SLIT2: variants seen among roughly 807,000 people sequenced by gnomAD.
SLIT2 encodes slit guidance ligand 2.
A neutral mutation model predicts 185.7 loss-of-function variants in SLIT2; 41 were observed. The ratio of observed to expected loss-of-function variants is 0.22; its 90% CI spans 0.17 to 0.29. SLIT2 has a LOEUF of 0.29. Ranked by LOEUF, SLIT2 falls within the 10% of genes least tolerant of loss-of-function variation. The probability of loss-of-function intolerance (pLI) is 1.00; values close to 1 mark genes in which losing one functional copy is unlikely to be tolerated. For missense variants in SLIT2, 1,571 were observed against 1,909.0 expected (o/e 0.82, Z 3.30); for synonymous variants, 693 against 680.2 (o/e 1.02, Z -0.29).
At chr4:20,502,023 TTAG>T in intron 9 of SLIT2, among the ~76,000 whole-genome samples, 1 of 152,182 alleles carries the variant, frequency 6.6e-6, no homozygotes, top group Non-Finnish European at 1.5e-5. Flanking sequence ...AAGAAGTTAT[TTAG>T]GTAACATACA....
intron 4 of SLIT2, among the ~76,000 whole-genome samples, chr4:20,453,682 C>G (rs1370154125): frequency 6.6e-6 from 1 of 152,108 alleles, no homozygotes; most frequent in African/African-American, 2.4e-5. Flanking sequence ...ATAATTAAAG[C>G]AAAGGCCCAG....
intron 22 of SLIT2, among the ~76,000 whole-genome samples, chr4:20,546,456 A>G (rs543745528): frequency 4.6e-5 from 7 of 152,232 alleles, no homozygotes; most frequent in Admixed American, 1.3e-4. Flanking sequence ...TTTATTCTTG[A>G]CTTTAAGCGA....
At position 20,425,965 on chromosome 4, in the gene SLIT2, C is replaced by T. The variant is rs1041274525; in HGVS notation, c.396-41787C>T. Among the ~76,000 whole-genome samples the T allele has an allele frequency of 5.9e-5, 9 of 152,218 alleles. No homozygotes were observed. In the East Asian group the frequency reaches 1.7e-3, roughly 29 times the overall value. On this transcript the variant is annotated intron_variant, in intron 4 of 36. Coordinates refer to ENST00000504154, the MANE Select transcript of SLIT2 (RefSeq NM_004787.4). ...CTCTTCTGTGCTATCCCTGACAATTCAGTTTGGGATTTGCTGTCACCTTAG... is the reference window on the plus strand; with the variant it reads ...CTCTTCTGTGCTATCCCTGACAATTTAGTTTGGGATTTGCTGTCACCTTAG...
intron 16 of SLIT2, among the ~76,000 whole-genome samples, chr4:20,530,972 AAAAC>A (rs1721753631): frequency 6.6e-6 from 1 of 151,978 alleles, no homozygotes; most frequent in Non-Finnish European, 1.5e-5. Flanking sequence ...CTAAAAAAAA[AAAAC>A]AAAAACAAAA....
chr4:20,598,464 A>G (rs962984237), intron 33 of SLIT2, 69 bp downstream of exon 33: 2 of 1,554,574 alleles, frequency 1.3e-6, no homozygotes, highest in Non-Finnish European at 1.8e-6. Context: ...CTCCTCTATC[A>G]TTTTATTATG....
Position 20,528,958 on chromosome 4 carries a change from A to G in SLIT2, c.1472A>G (p.Asp491Gly). ...KEQYFIPGTE[D>G]YRSKLSGDCF... ...TTTGAATTCTCAATAGGTACAGAAG[A>G]TTATCGATCAAAATTAAGTGGAGAC... Residue 491 changes from aspartate to glycine, a missense_variant, in exon 16 of 37, where the codon GAT (aspartate) becomes GGT (glycine). Transcript: ENST00000504154. The surrounding 1 kb of genome is among the most constrained non-coding windows in gnomAD (Gnocchi z 4.2). 1 of 1,613,784 alleles carries G rather than the reference A, an allele frequency of 6.2e-7. No individual in the cohort carries two copies. Among genetic ancestry groups the G allele is most frequent in the Non-Finnish European group, 8.5e-7 (1 of 1,179,776 alleles).
chr4:20,608,080 A>G (rs1728926621), intron 33 of SLIT2, among the ~76,000 whole-genome samples: 2 of 152,252 alleles, frequency 1.3e-5, no homozygotes, highest in East Asian at 1.9e-4. Context: ...AATTATTTGT[A>G]TCATGATGAT....
At chr4:20,422,914 C>A (rs962747077) in intron 4 of SLIT2, among the ~76,000 whole-genome samples, 1 of 151,424 alleles carries the variant, frequency 6.6e-6, no homozygotes, top group African/African-American at 2.4e-5. Flanking sequence ...TAACTTTAGC[C>A]ACTCTATTTA....
chr4:20,550,531 C>T (rs976507427), intron 24 of SLIT2, among the ~76,000 whole-genome samples: 1 of 151,752 alleles, frequency 6.6e-6, no homozygotes, highest in Non-Finnish European at 1.5e-5. Context: ...TATAACTGAG[C>T]CTGTGAAAGC....
rs77885582 is a variant in SLIT2 at position 20,599,200 on chromosome 4, T to C, written c.3692+805T>C. On this transcript the variant is annotated intron_variant, in intron 33 of 36. Coordinates refer to ENST00000504154, the MANE Select transcript of SLIT2 (RefSeq NM_004787.4). ...TTGGAAGTTTTCTAATGATTAATGA[T>C]ATTAATAATATACTGGAGACGTGAA... Among the ~76,000 whole-genome samples, 11 of 152,334 alleles carry C rather than the reference T, an allele frequency of 7.2e-5. No homozygotes were observed. The East Asian group carries it at 2.1e-3, about 29-fold the overall frequency.
At chr4:20,309,632 G>A (rs1400575795) in intron 4 of SLIT2, among the ~76,000 whole-genome samples, 1 of 151,424 alleles carries the variant, frequency 6.6e-6, no homozygotes, top group East Asian at 1.9e-4. Context: ...TACTTAATTT[G>A]CTATATCTAA....
At chr4:20,327,495 A>G (rs2109188187) in intron 4 of SLIT2, among the ~76,000 whole-genome samples, 1 of 152,166 alleles carries the variant, frequency 6.6e-6, no homozygotes, top group South Asian at 2.1e-4. Context: ...ACTACCTGCA[A>G]GACTGGAAAT....
chr4:20,477,951 C>A (rs1487531210), intron 5 of SLIT2, among the ~76,000 whole-genome samples: 1 of 152,140 alleles, frequency 6.6e-6, no homozygotes, highest in Non-Finnish European at 1.5e-5. Context: ...CAGAAGTACC[C>A]AGGGCTTGAA....
chr4:20,443,582 T>TAAAAA (rs71653885), intron 4 of SLIT2, among the ~76,000 whole-genome samples: 11 of 63,054 alleles, frequency 1.7e-4, no homozygotes, highest in South Asian at 1.7e-3. Context: ...GGAGAAAATC[T>TAAAAA]AAAAAAAAAA....
rs1394701055 is a variant in SLIT2, at chr4:20,457,553, C to A, written c.396-10199C>A. ...TTGCAAGGTCTTTTTTGATGATCAT[C>A]TGCTGTCCCCAACACTTCAAGCAGT... is the stretch of plus-strand genomic sequence containing the variant. On this transcript the variant is annotated intron_variant, in intron 4 of 36. Transcript: ENST00000504154. Among the ~76,000 whole-genome samples the A allele has an allele frequency of 2.6e-5, 4 of 152,094 alleles. No individual in the cohort carries two copies. In the East Asian group the frequency reaches 7.8e-4, roughly 29 times the overall value.
chr4:20,507,055 A>G (rs972411242), intron 9 of SLIT2, among the ~76,000 whole-genome samples: 1 of 152,014 alleles, frequency 6.6e-6, no homozygotes, highest in African/African-American at 2.4e-5. Flanking sequence ...ATAGTTTGCA[A>G]TGTGAAGATC....
At chr4:20,367,878 C>T (rs1050696726) in intron 4 of SLIT2, among the ~76,000 whole-genome samples, 1 of 152,092 alleles carries the variant, frequency 6.6e-6, no homozygotes, top group African/African-American at 2.4e-5. Context: ...CCATTCAGTC[C>T]ATTCTTACAG....
At chr4:20,359,426 A>G (rs2109288304) in intron 4 of SLIT2, among the ~76,000 whole-genome samples, 1 of 152,212 alleles carries the variant, frequency 6.6e-6, no homozygotes, top group East Asian at 1.9e-4. Flanking sequence ...ACTTTGTTCA[A>G]TACAGAGATC....
At chr4:20,572,955 A>G (rs1725734404) in intron 29 of SLIT2, among the ~76,000 whole-genome samples, 1 of 152,192 alleles carries the variant, frequency 6.6e-6, no homozygotes, top group Non-Finnish European at 1.5e-5. Context: ...CCCATGCACA[A>G]GCCATTCAGT....
Sources: gnomAD v4.1 joint callset for allele counts (sites outside exome capture counted in the v4.1 genomes callset) on GRCh38, gnomAD v4.1.1 for gene constraint, Gnocchi (gnomAD v3.1) non-coding constraint, MANE v1.5 for transcripts, NCBI Gene and HGNC (gene_info 2026-07-23, HGNC 2026-07-21) for gene names.